Variants in RPS6KA4 observed in about 807,000 individuals in gnomAD.
RPS6KA4 encodes ribosomal protein S6 kinase alpha-4.
In RPS6KA4, 38 loss-of-function variants were observed where a neutral mutation model predicts 89.6. The observed-to-expected ratio is 0.42, with a 90% CI of 0.33 to 0.56. The LOEUF is 0.56. Ranked by LOEUF, RPS6KA4 falls within the 20% of genes least tolerant of loss-of-function variation. The pLI is 0.07. For missense variants in RPS6KA4, 873 were observed against 1,098.8 expected (o/e 0.79, Z 2.90); for synonymous variants, 495 against 492.8 (o/e 1.00, Z -0.06).
chr11:64,365,632 G>C (rs2036861071), intron 9 of RPS6KA4, among the ~76,000 whole-genome samples, 167 bp downstream of exon 9: 1 of 152,234 alleles, frequency 6.6e-6, no homozygotes, highest in African/African-American at 2.4e-5. Flanking sequence ...CAGTCACAGA[G>C]ACCACCCAGG....
intron 2 of RPS6KA4, 139 bp downstream of exon 2, chr11:64,359,588 C>A: frequency 1.2e-6 from 1 of 868,266 alleles, no homozygotes; most frequent in South Asian, 1.7e-5. Flanking sequence ...CTGCCCCGCC[C>A]TGCCTCGCCA....
In RPS6KA4 at chr11:64,368,481, T is replaced by A; in HGVS notation, c.1214T>A (p.Phe405Tyr). 1 of 1,554,100 alleles carries A rather than the reference T, an allele frequency of 6.4e-7. No individual in the cohort carries two copies. Among genetic ancestry groups the A allele is most frequent in the Non-Finnish European group, 8.7e-7 (1 of 1,149,702 alleles). Residue 405 changes from phenylalanine (F) to tyrosine (Y), a missense_variant, in exon 11 of 17, where the codon TTC (phenylalanine) becomes TAC (tyrosine). Phe to Tyr is a conservative substitution (Grantham distance 22). Transcript: ENST00000334205. The part of the protein sequence containing the change: ...RSAMMQDSPF[F>Y]QQYELDLREP... The stretch of plus-strand genomic sequence containing the variant: ...CTTCGCCTCCAGGACTCGCCCTTCT[T>A]CCAGCAGTACGAGCTGGACCTGCGG...
At chr11:64,362,051 G>A (rs763255069) in intron 8 of RPS6KA4, 49 bp downstream of exon 8, 1 of 1,561,572 alleles carries the variant, frequency 6.4e-7, no homozygotes, top group Non-Finnish European at 8.6e-7. Flanking sequence ...CCCAGGTGGG[G>A]CTGCTGTTCC....
At chr11:64,359,556 T>G in intron 2 of RPS6KA4, 107 bp downstream of exon 2, 1 of 1,208,036 alleles carries the variant, frequency 8.3e-7, no homozygotes, top group Non-Finnish European at 1.2e-6. Flanking sequence ...CCCCCACCCT[T>G]TCCCGGCACA....
chr11:64,360,507 A>G lies in RPS6KA4; in HGVS notation c.377A>G (p.His126Arg). 6.2e-7 allele frequency: 1 copy of G among 1,610,992 alleles called. No homozygotes were observed. Among genetic ancestry groups the G allele is most frequent in the Non-Finnish European group, 8.5e-7 (1 of 1,178,508 alleles). Residue 126 changes from histidine to arginine, a missense_variant, in exon 4 of 17, where the codon CAC becomes CGC. This residue lies in a region of RPS6KA4 where 542 missense variants were observed against 736.4 expected (regional missense o/e 0.74). Coordinates refer to ENST00000334205, the MANE Select transcript of RPS6KA4 (RefSeq NM_003942.3). ...DYVSGGEMFT[H>R]LYQRQYFKEA... ...GTGAGCGGCGGGGAGATGTTCACCC[A>G]CCTCTACCAGCGCCAGTACTTCAAG... is the stretch of plus-strand genomic sequence containing the variant.
intron 9 of RPS6KA4, among the ~76,000 whole-genome samples, chr11:64,366,156 T>TC (rs897263796): frequency 1.4e-5 from 2 of 145,414 alleles, no homozygotes; most frequent in African/African-American, 2.5e-5. Flanking sequence ...GAGGGTCAGG[T>TC]CCCCTCCACC....
intron 8 of RPS6KA4, 144 bp downstream of exon 8, chr11:64,362,146 C>T: frequency 1.0e-6 from 1 of 984,400 alleles, no homozygotes. Flanking sequence ...CTAGGTTTCT[C>T]TTCACATCCA....
intron 1 of RPS6KA4, 34 bp from the exon 2 acceptor site, chr11:64,359,344 A>G: frequency 1.2e-6 from 2 of 1,610,618 alleles, no homozygotes; most frequent in East Asian, 4.5e-5. Context: ...CGGGTCATGG[A>G]CCGGCTGGGC....
rs2036762984 is a variant in RPS6KA4, at chr11:64,361,884, C to G, written c.788C>G (p.Pro263Arg). 1.9e-6 allele frequency: 3 copies of G among 1,612,920 alleles called. No homozygotes were observed. Among genetic ancestry groups the G allele is most frequent in the Non-Finnish European group, 8.5e-7 (1 of 1,179,900 alleles). The change falls in exon 8 of 17, where the codon CCT (proline) becomes CGT (arginine). Residue 263 changes from proline (P) to arginine (R), a missense_variant. Pro to Arg is a moderately radical substitution (Grantham distance 103). Transcript: ENST00000334205. The surrounding 1 kb of genome is among the most constrained non-coding windows in gnomAD (Gnocchi z 4.7). ...RILKCSPPFP[P>R]RIGPVAQDLL... ...CTGAAGTGCTCCCCTCCCTTCCCCC[C>G]TCGGATCGGGCCCGTGGCGCAGGAC...
intron 2 of RPS6KA4, 79 bp downstream of exon 2, chr11:64,359,528 C>A: frequency 6.8e-7 from 1 of 1,478,710 alleles, no homozygotes; most frequent in Non-Finnish European, 9.3e-7. Context: ...TGGGCCTGGG[C>A]CAGGCCACTG....
intron 12 of RPS6KA4, 120 bp from the exon 13 acceptor site, chr11:64,369,326 T>G: frequency 1.1e-6 from 1 of 894,630 alleles, no homozygotes; most frequent in Non-Finnish European, 1.6e-6. Flanking sequence ...GAAAAAGGAC[T>G]TTGAGGAGGG....
chr11:64,369,338 G>A, intron 12 of RPS6KA4, 108 bp from the exon 13 acceptor site: 3 of 1,199,106 alleles, frequency 2.5e-6, no homozygotes, highest in Non-Finnish European at 2.3e-6. Context: ...TGAGGAGGGG[G>A]TTCTCGAACA....
At chr11:64,371,101 CAAAAAAA>C (rs374004148) in intron 16 of RPS6KA4, among the ~76,000 whole-genome samples, 175 bp from the exon 17 acceptor site, 9 of 88,782 alleles carry the variant, frequency 1.0e-4, no homozygotes, top group African/African-American at 1.8e-4. Flanking sequence ...GAGACTCCGT[CAAAAAAA>C]AAAAAAAAAA....
chr11:64,366,659 CACTTGCT>C (rs2036892368), intron 9 of RPS6KA4, among the ~76,000 whole-genome samples: 1 of 152,178 alleles, frequency 6.6e-6, no homozygotes, highest in Non-Finnish European at 1.5e-5. Flanking sequence ...TGTGCCTTTG[CACTTGCT>C]GCTCCTGCTA....
chr11:64,360,725 G>A, intron 4 of RPS6KA4, 133 bp downstream of exon 4: 1 of 775,754 alleles, frequency 1.3e-6, no homozygotes, highest in Non-Finnish European at 2.0e-6. Context: ...GGTGGGAATT[G>A]GAGCTGCTTC....
Position 64,370,473 on chromosome 11 carries a change from G to A in RPS6KA4, c.1957+89G>A. 1.9e-6 allele frequency: 3 copies of A among 1,604,076 alleles called. No individual in the cohort carries two copies. Among genetic ancestry groups the A allele is most frequent in the Non-Finnish European group, 2.6e-6 (3 of 1,175,116 alleles). On this transcript the variant is annotated intron_variant, in intron 15 of 16. Coordinates refer to ENST00000334205, the MANE Select transcript of RPS6KA4 (RefSeq NM_003942.3). The surrounding 1 kb of genome is among the most constrained non-coding windows in gnomAD (Gnocchi z 4.1). The stretch of plus-strand genomic sequence containing the variant: ...GGGCCAGGTGTCCTGGTTGGGGATG[G>A]GTAGGGGAGGAGAGTGGGGCTGTTA...
rs1041497507 is a variant in RPS6KA4 at position 64,360,948 on chromosome 11, G to A, written c.463-186G>A. On this transcript the variant is annotated intron_variant, in intron 4 of 16. Transcript: ENST00000334205. ...TCTGGGACCTTGGGGCCTGATCCAC[G>A]GGGCCCTCCTTCTTTGTTTTATATC... 2.0e-4 allele frequency: 114 copies of A among 580,272 alleles called. No homozygotes were observed. The South Asian group carries it at 2.1e-3, about 11-fold the overall frequency. The allele number at this position is 580,272 out of a possible 1,614,324, so 35.9% of individuals were successfully genotyped here. A position where few individuals can be genotyped will look rare whatever the true frequency, so the allele number is the denominator to read the frequency against.
chr11:64,371,281 A>G lies in RPS6KA4; in HGVS notation c.2122-2A>G. 1 of 1,612,446 alleles carries G rather than the reference A, an allele frequency of 6.2e-7. No homozygotes were observed. Among genetic ancestry groups the G allele is most frequent in the African/African-American group, 1.3e-5 (1 of 74,968 alleles). On this transcript the variant is annotated splice_acceptor_variant, in intron 16 of 16. Coordinates refer to ENST00000334205, the MANE Select transcript of RPS6KA4 (RefSeq NM_003942.3). LOFTEE classifies it high-confidence loss of function. ...GGGCACTCACCCTTTCCTTTCTGCCAGGCATTCAACCGGGGCAAGCGGGAG... is the reference window on the plus strand; with the variant it reads ...GGGCACTCACCCTTTCCTTTCTGCCGGGCATTCAACCGGGGCAAGCGGGAG...
At chr11:64,368,042 C>T (rs898203217) in intron 9 of RPS6KA4, 90 bp from the exon 10 acceptor site, 11 of 1,453,456 alleles carry the variant, frequency 7.6e-6, no homozygotes, top group Non-Finnish European at 1.0e-5. Flanking sequence ...TGTCCAGGGT[C>T]TTGCCTTTGC....
Sources: gnomAD v4.1 joint callset for allele counts (sites outside exome capture counted in the v4.1 genomes callset) on GRCh38, gnomAD v4.1.1 for gene constraint, gnomAD v4.1.1 regional missense constraint, Gnocchi (gnomAD v3.1) non-coding constraint, MANE v1.5 for transcripts, NCBI Gene and HGNC (gene_info 2026-07-23, HGNC 2026-07-21) for gene names.